Variants in DPP6 observed in about 807,000 individuals in gnomAD.
The protein encoded by DPP6 is dipeptidyl peptidase like 6.
A neutral mutation model predicts 122.6 loss-of-function variants in DPP6; 69 were observed. The ratio of observed to expected loss-of-function variants is 0.56; its 90% confidence interval spans 0.46 to 0.69. The LOEUF (loss-of-function observed/expected upper bound fraction) is 0.69. DPP6 is among the 30% of genes least tolerant of loss of function. DPP6 has a pLI of 0.00. For missense variants in DPP6, 928 were observed against 1,116.9 expected (o/e 0.83, Z 2.41); for synonymous variants, 418 against 433.1 (o/e 0.97, Z 0.43).
At chr7:153,959,279 GGGTCCTAAATGAACCCC>G (rs1474320132) in intron 1 of DPP6, among the ~76,000 whole-genome samples, 52 of 143,448 alleles carry the variant, frequency 3.6e-4, no homozygotes, top group African/African-American at 1.3e-3. Flanking sequence ...CGTTACTAAT[GGGTCCTAAATGAACCCC>G]AGGTGTCCTG....
At chr7:154,593,713 G>T (rs1034790114) in intron 5 of DPP6, among the ~76,000 whole-genome samples, 5 of 152,212 alleles carry the variant, frequency 3.3e-5, no homozygotes, top group African/African-American at 7.2e-5. Flanking sequence ...TGAGGTGTCA[G>T]TCTCCAAGAA....
chr7:154,726,004 A>G (rs1156511668), intron 7 of DPP6, among the ~76,000 whole-genome samples: 3 of 152,334 alleles, frequency 2.0e-5, no homozygotes, highest in Admixed American at 2.0e-4. Context: ...CATTGACTCC[A>G]TGACTCATAT....
At chr7:154,844,789 G>C (rs1801819834) in intron 16 of DPP6, among the ~76,000 whole-genome samples, 1 of 152,186 alleles carries the variant, frequency 6.6e-6, no homozygotes, top group African/African-American at 2.4e-5. Flanking sequence ...CAGAGGAGCT[G>C]TTTTTCAACT....
intron 1 of DPP6, among the ~76,000 whole-genome samples, chr7:154,230,027 G>T (rs1585686428): frequency 1.3e-5 from 2 of 152,054 alleles, no homozygotes; most frequent in African/African-American, 4.8e-5. Flanking sequence ...AATATTTCTG[G>T]TTTGGGAATT....
At chr7:154,250,119 A>G (rs1178070741) in intron 1 of DPP6, among the ~76,000 whole-genome samples, 3 of 152,052 alleles carry the variant, frequency 2.0e-5, no homozygotes, top group African/African-American at 7.3e-5. Context: ...TGCTTGCTCA[A>G]TTGATCACGA....
Position 154,058,037 on chromosome 7 carries a change from C to A in DPP6, c.243+4974C>A, listed in dbSNP as rs1180882596. 4 of 147,988 alleles carry A rather than the reference C, an allele frequency of 2.7e-5. No individual in the cohort carries two copies. In the East Asian group the frequency reaches 6.1e-4, roughly 23 times the overall value. 9.2% of individuals were successfully genotyped at this position (147,988 alleles called of 1,614,324 possible). A position where few individuals can be genotyped will look rare whatever the true frequency, so the allele number is the denominator to read the frequency against. ...CCCCCCATTTTGTGATGGCTGAGAT[C>A]CATCCCCTCTTCCCCCCTGACTCTT... is the stretch of plus-strand genomic sequence containing the variant. On this transcript the variant is annotated intron_variant, in intron 1 of 25. Coordinates refer to ENST00000377770, the MANE Select transcript of DPP6 (RefSeq NM_130797.4).
At chr7:154,348,653 G>A (rs576953573) in intron 1 of DPP6, among the ~76,000 whole-genome samples, 42 of 152,166 alleles carry the variant, frequency 2.8e-4, no homozygotes, top group African/African-American at 8.4e-4. Flanking sequence ...TTTCATTATC[G>A]TCACTCTTCT....
At chr7:154,858,346 C>T (rs993415812) in intron 17 of DPP6, 1 of 152,262 alleles carries the variant, frequency 6.6e-6, no homozygotes, top group Non-Finnish European at 1.5e-5. Flanking sequence ...AGTTGCATCT[C>T]GGACGCAAGC....
chr7:154,036,020 T>TTGTGTGTG (rs1162400104), intron 1 of DPP6, among the ~76,000 whole-genome samples: 2 of 54,548 alleles, frequency 3.7e-5, no homozygotes, highest in Non-Finnish European at 7.1e-5. Context: ...GCGCGCGCGC[T>TTGTGTGTG]TGTGTGTGTG....
intron 1 of DPP6, among the ~76,000 whole-genome samples, chr7:154,129,833 G>A (rs1311116921): frequency 6.6e-6 from 1 of 151,932 alleles, no homozygotes; most frequent in Non-Finnish European, 1.5e-5. Flanking sequence ...CCAGGAGGCA[G>A]AGCTTGCAGT....
At chr7:154,537,397 G>GC (rs1333013048) in intron 3 of DPP6, among the ~76,000 whole-genome samples, 1 of 152,162 alleles carries the variant, frequency 6.6e-6, no homozygotes, top group Non-Finnish European at 1.5e-5. Flanking sequence ...TTTGAAAATA[G>GC]CAAGTTTTAG....
chr7:154,093,855 G>A (rs1805109901), intron 1 of DPP6: 1 of 150,804 alleles, frequency 6.6e-6, no homozygotes, highest in African/African-American at 2.5e-5. Flanking sequence ...TGTGGGTGTG[G>A]GTAGGGGGAT....
At chr7:154,159,404 C>T (rs1174009079) in intron 1 of DPP6, among the ~76,000 whole-genome samples, 3 of 151,848 alleles carry the variant, frequency 2.0e-5, no homozygotes, top group East Asian at 1.9e-4. Flanking sequence ...CCTTTTTTTT[C>T]ATTTAGTGTT....
chr7:154,861,174 TTGCCAAGTCATGC>T (rs1200994208), intron 17 of DPP6, among the ~76,000 whole-genome samples: 1 of 152,186 alleles, frequency 6.6e-6, no homozygotes, highest in Non-Finnish European at 1.5e-5. Flanking sequence ...TGAGGGGACC[TTGCCAAGTCATGC>T]CAAGACAGAG....
chr7:154,535,057 TCTA>T (rs1828125509), intron 3 of DPP6, among the ~76,000 whole-genome samples: 1 of 151,444 alleles, frequency 6.6e-6, no homozygotes, highest in Non-Finnish European at 1.5e-5. Context: ...GAAAAAGAAA[TCTA>T]CACATACATT....
At position 154,458,444 on chromosome 7, in the gene DPP6, G is replaced by T. The variant is rs186015133; in HGVS notation, c.358+12116G>T. 2.2e-3 allele frequency among the ~76,000 whole-genome samples: 337 copies of T among 152,244 alleles called. 2 individuals are homozygous for T. The highest frequency in any genetic ancestry group is 0.014 in the Middle Eastern group (4 of 294). On this transcript the variant is annotated intron_variant, in intron 2 of 25. Transcript: ENST00000377770. ...CCTCTTTTTCTTTATAAATTACCCA[G>T]TCTCAGGTATTTCTTCATAGCAGTA...
intron 3 of DPP6, among the ~76,000 whole-genome samples, chr7:154,509,013 C>G (rs778388935): frequency 1.3e-5 from 2 of 151,994 alleles, no homozygotes; most frequent in Admixed American, 6.6e-5. Context: ...AATGTAAGAG[C>G]TAAAACTAAA....
chr7:153,832,492 T>C, the DPP6 span, among the ~76,000 whole-genome samples: 6 of 152,354 alleles, frequency 3.9e-5, no homozygotes, highest in African/African-American at 1.2e-4. Flanking sequence ...AACATTCTAA[T>C]GCAGTTCATG....
chr7:154,407,334 T>G (rs1816201803), intron 1 of DPP6, among the ~76,000 whole-genome samples: 1 of 152,226 alleles, frequency 6.6e-6, no homozygotes, highest in African/African-American at 2.4e-5. Flanking sequence ...GAAAATCATT[T>G]TATGCATGTA....
Sources: gnomAD v4.1 joint callset for allele counts (sites outside exome capture counted in the v4.1 genomes callset) on GRCh38, gnomAD v4.1.1 for gene constraint, MANE v1.5 for transcripts, NCBI Gene and HGNC (gene_info 2026-07-23, HGNC 2026-07-21) for gene names.